The following XDH variants were observed in gnomAD, a reference collection of about 807,000 sequenced individuals.
The protein encoded by XDH is xanthine dehydrogenase, also known as xanthine dehydrogenase/oxidase.
XDH carries 138 observed loss-of-function variants against 156.1 expected under a neutral mutation model. The observed-to-expected ratio is 0.88, with a 90% CI of 0.77 to 1.02. The LOEUF (loss-of-function observed/expected upper bound fraction) is 1.02. Among genes scored for constraint, XDH ranks in the 50% least tolerant of loss-of-function variants. XDH has a pLI of 0.00. For synonymous variants in XDH, 669 were observed against 625.7 expected (o/e 1.07, Z -1.03); for missense variants, 1,849 against 1,684.9 (o/e 1.10, Z -1.71).
intron 24 of XDH, among the ~76,000 whole-genome samples, chr2:31,350,457 A>G (rs1572518492): frequency 7.0e-6 from 1 of 142,540 alleles, no homozygotes; most frequent in East Asian, 2.0e-4. Context: ...GCTCACTGCA[A>G]ACTCCTACTC....
intron 8 of XDH, 77 bp from the exon 9 acceptor site, chr2:31,386,632 C>G: frequency 6.3e-7 from 1 of 1,580,072 alleles, no homozygotes; most frequent in Middle Eastern, 1.7e-4. Flanking sequence ...TTTAAGTCCT[C>G]AATGGGATGT....
At chr2:31,364,919 G>A (rs1164994491) in intron 23 of XDH, among the ~76,000 whole-genome samples, 17 of 152,200 alleles carry the variant, frequency 1.1e-4, no homozygotes, top group Admixed American at 1.0e-3. Flanking sequence ...GCCCCATAAG[G>A]CTTTGCTGAT....
chr2:31,359,576 C>T (rs151220534), intron 24 of XDH, among the ~76,000 whole-genome samples: 2,205 of 152,150 alleles, frequency 0.014, 53 homozygotes, highest in African/African-American at 0.051. Context: ...TGCAGAATAC[C>T]TAGAGGCCTA....
chr2:31,354,581 T>C (rs1443300415), intron 24 of XDH, among the ~76,000 whole-genome samples: 1 of 152,000 alleles, frequency 6.6e-6, no homozygotes, highest in African/African-American at 2.4e-5. Flanking sequence ...ACCAAAGACA[T>C]AGAAGATACA....
intron 6 of XDH, 88 bp downstream of exon 6, chr2:31,397,580 A>C: frequency 6.7e-7 from 1 of 1,490,050 alleles, no homozygotes; most frequent in Non-Finnish European, 9.4e-7. Context: ...TTTGTAGACC[A>C]GAGGCCCTTG....
chr2:31,389,126 C>T (rs1239365068), intron 6 of XDH, among the ~76,000 whole-genome samples: 1 of 152,212 alleles, frequency 6.6e-6, no homozygotes, highest in Non-Finnish European at 1.5e-5. Flanking sequence ...GCCTCAGGCA[C>T]TTTTATCGGG....
chr2:31,350,058 C>G lies in XDH; in HGVS notation c.2797G>C (p.Val933Leu), dbSNP rs1558679861. 1 of 1,614,238 alleles carries G rather than the reference C, an allele frequency of 6.2e-7. No homozygotes were observed. Among genetic ancestry groups the G allele is most frequent in the Non-Finnish European group, 8.5e-7 (1 of 1,180,054 alleles). Residue 933 changes from valine (V) to leucine (L), a missense_variant, in exon 25 of 36, where the codon GTG becomes CTG. By Grantham distance (32) the Val-to-Leu change is conservative. Transcript: ENST00000379416. Reference protein sequence around the residue: ...IAECWMSEVAVTCGMPAEEVR... With the variant: ...IAECWMSEVALTCGMPAEEVR... ...TCCTCTGCAGGCATCCCACAGGTCA[C>G]TGCAACTTCACTCATCCAGCACTCG... is the stretch of plus-strand genomic sequence containing the variant.
At chr2:31,375,023 C>CT (rs60340656) in intron 15 of XDH, among the ~76,000 whole-genome samples, 5,154 of 92,270 alleles carry the variant, frequency 0.056, 327 homozygotes, top group Admixed American at 0.12. Context: ...TTCTTTCTTT[C>CT]TTTTTTTTTT....
At chr2:31,388,851 C>T (rs1686683528) in intron 6 of XDH, among the ~76,000 whole-genome samples, 1 of 152,226 alleles carries the variant, frequency 6.6e-6, no homozygotes, top group African/African-American at 2.4e-5. Flanking sequence ...GAAAGGTAAA[C>T]ACCCTTCACT....
chr2:31,388,716 G>A (rs980649770), intron 6 of XDH, among the ~76,000 whole-genome samples: 1 of 152,172 alleles, frequency 6.6e-6, no homozygotes, highest in Non-Finnish European at 1.5e-5. Flanking sequence ...CGTGGCTGGT[G>A]TCTCCCAGGC....
At chr2:31,375,263 T>A in intron 15 of XDH, 117 bp downstream of exon 15, 1 of 1,312,986 alleles carries the variant, frequency 7.6e-7, no homozygotes, top group South Asian at 1.2e-5. Context: ...GTGACCCTGG[T>A]CCCTGCTATT....
chr2:31,373,897 G>A lies in XDH; in HGVS notation c.1662C>T (p.Pro554=), dbSNP rs561567798. 3.1e-6 allele frequency: 5 copies of A among 1,613,910 alleles called. No homozygotes were observed. The South Asian group carries it at 5.5e-5, about 18-fold the overall frequency. Residue 554 remains proline (P), a synonymous_variant, in exon 16 of 36, where the codon CCC becomes CCT. Transcript: ENST00000379416. ...ASATLLFQKD[P]PADVQLFQEV... The stretch of plus-strand genomic sequence containing the variant: ...CTTGGAAGAGCTGGACATCGGCTGG[G>A]GGGTCTTTCTGAAACAGTAAAGTTG...
chr2:31,386,940 G>A (rs1161104101), intron 8 of XDH, among the ~76,000 whole-genome samples: 1 of 119,978 alleles, frequency 8.3e-6, no homozygotes, highest in Non-Finnish European at 1.7e-5. Flanking sequence ...GGGAGGGAGG[G>A]AGAGAGGGAG....
In XDH at chr2:31,350,967, A is replaced by C. The variant is rs577438896; in HGVS notation, c.2632-744T>G. Among the ~76,000 whole-genome samples, 7 of 152,316 alleles carry C rather than the reference A, an allele frequency of 4.6e-5. No individual in the cohort carries two copies. The East Asian group carries it at 1.4e-3, about 29-fold the overall frequency. On this transcript the variant is annotated intron_variant, in intron 24 of 35. Transcript: ENST00000379416. ...CAACTACTTACAATTCTCATAGCTT[A>C]TCATCTATCAGCTATTTAGATAAAC...
chr2:31,339,276 T>C (rs942306291), intron 34 of XDH, among the ~76,000 whole-genome samples: 2 of 152,148 alleles, frequency 1.3e-5, no homozygotes. Flanking sequence ...CAGACCATAC[T>C]AAGGTGCTCT....
chr2:31,351,056 A>C (rs1572519090), intron 24 of XDH, among the ~76,000 whole-genome samples: 2 of 152,082 alleles, frequency 1.3e-5, no homozygotes, highest in South Asian at 4.1e-4. Flanking sequence ...TTAGACTTTT[A>C]GGTTGTCTTT....
At chr2:31,382,619 T>C (rs1325158211) in intron 11 of XDH, among the ~76,000 whole-genome samples, 4 of 152,332 alleles carry the variant, frequency 2.6e-5, no homozygotes, top group Middle Eastern at 3.4e-3. Flanking sequence ...CTCTCAATTC[T>C]GACTTCTCCC....
chr2:31,358,054 T>C (rs2148762020), intron 24 of XDH, among the ~76,000 whole-genome samples: 1 of 152,144 alleles, frequency 6.6e-6, no homozygotes, highest in East Asian at 1.9e-4. Flanking sequence ...TTAACAAGGA[T>C]ATCCAGGAAT....
intron 28 of XDH, 126 bp downstream of exon 28, chr2:31,348,142 C>A: frequency 1.1e-6 from 1 of 945,656 alleles, no homozygotes; most frequent in Middle Eastern, 2.2e-4. Context: ...CGAGGCTACA[C>A]GGACATAAGC....
Sources: gnomAD v4.1 joint callset for allele counts (sites outside exome capture counted in the v4.1 genomes callset) on GRCh38, gnomAD v4.1.1 for gene constraint, MANE v1.5 for transcripts, NCBI Gene and HGNC (gene_info 2026-07-23, HGNC 2026-07-21) for gene names.